CDK5RAP3: variants seen among roughly 807,000 people sequenced by gnomAD.
CDK5RAP3 encodes the protein CDK5 regulatory subunit-associated protein 3.
In CDK5RAP3, 58 loss-of-function variants were observed where a neutral mutation model predicts 73.3. That is an observed-to-expected ratio of 0.79 (90% CI 0.64 to 0.98). The LOEUF is 0.98. Ranked by LOEUF, CDK5RAP3 falls within the 50% of genes least tolerant of loss-of-function variation. The probability of loss-of-function intolerance (pLI) is 0.00; values close to 1 mark genes in which losing one functional copy is unlikely to be tolerated. For synonymous variants in CDK5RAP3, 224 were observed against 247.5 expected, an observed-to-expected ratio of 0.91 and a Z score of 0.89; for missense variants, 525 against 615.8, an observed-to-expected ratio of 0.85 and a Z score of 1.56.
chr17:47,973,591 A>G lies in CDK5RAP3; in HGVS notation c.125A>G (p.Asn42Ser), dbSNP rs1297456296. ...SLVLTIREKI[N>S]AAIQDMPESE... ...GTGCTGACGATCCGCGAGAAGATCAATGCTGCCATCCAGGACATGCCAGAG... is the reference window on the plus strand; with the variant it reads ...GTGCTGACGATCCGCGAGAAGATCAGTGCTGCCATCCAGGACATGCCAGAG... The change falls in exon 3 of 14, where the codon AAT becomes AGT. Residue 42 changes from asparagine (N) to serine (S), a missense_variant. This residue lies in a region of CDK5RAP3 where 409 missense variants were observed against 429.8 expected (regional missense o/e 0.95). Transcript: ENST00000338399. The G allele has an allele frequency of 1.2e-5, 20 of 1,614,074 alleles. No homozygotes were observed. The Middle Eastern group carries it at 4.9e-4, about 40-fold the overall frequency.
intron 12 of CDK5RAP3, 69 bp from the exon 13 acceptor site, chr17:47,981,094 C>A: frequency 4.6e-6 from 7 of 1,517,536 alleles, no homozygotes; most frequent in Non-Finnish European, 6.3e-6. Flanking sequence ...CCTCTCACCT[C>A]CCCAGCAGCT....
intron 1 of CDK5RAP3, 23 bp from the exon 2 acceptor site, chr17:47,971,339 C>T: frequency 6.2e-7 from 1 of 1,607,722 alleles, no homozygotes; most frequent in Non-Finnish European, 8.5e-7. Flanking sequence ...TCACGCCCCC[C>T]TCCTCACCGT....
rs1050376002 is a variant in CDK5RAP3 at position 47,975,263 on chromosome 17, G to A, written c.439G>A (p.Glu147Lys). The A allele has an allele frequency of 1.9e-6, 3 of 1,614,018 alleles. No individual in the cohort carries two copies. The highest frequency in any genetic ancestry group is 2.5e-6 in the Non-Finnish European group (3 of 1,180,022). Reference sequence around the variant, plus strand: ...GCTGCAGCAAGAATACAGCCGCAAGGAGGAGGAGTGCCAGGCAGGGGCTGC... The same window carrying A: ...GCTGCAGCAAGAATACAGCCGCAAGAAGGAGGAGTGCCAGGCAGGGGCTGC... ...QQLQQEYSRK[E>K]EECQAGAAEM... Residue 147 changes from glutamate to lysine, a missense_variant, in exon 6 of 14, where the codon GAG becomes AAG. Glu to Lys is a moderately conservative substitution (Grantham distance 56). Around this residue, in one of 2 missense-constraint regions of CDK5RAP3, gnomAD observed 409 missense variants for 429.8 expected, o/e 0.95. Transcript: ENST00000338399.
upstream of CDK5RAP3, chr17:47,970,535 A>G (rs890002509): frequency 2.9e-5 from 23 of 792,934 alleles, no homozygotes; most frequent in Non-Finnish European, 3.8e-5. Flanking sequence ...TTTAGACTCA[A>G]TGTAGGTGTT....
chr17:47,970,499 A>G, upstream of CDK5RAP3: 2 of 663,188 alleles, frequency 3.0e-6, no homozygotes, highest in Non-Finnish European at 5.3e-6. Flanking sequence ...CTCTTCCCAC[A>G]TCACCCAGCT....
At position 47,974,726 on chromosome 17, in the gene CDK5RAP3, C is replaced by T. The variant is rs186237369; in HGVS notation, c.334+278C>T. 2.1e-3 allele frequency: 2,814 copies of T among 1,329,444 alleles called. 51 individuals carry two copies. The African/African-American group carries it at 0.038, about 18-fold the overall frequency. The allele number at this position is 1,329,444 out of a possible 1,614,324, so 82.4% of individuals were successfully genotyped here. A position where few individuals can be genotyped will look rare whatever the true frequency, so the allele number is the denominator to read the frequency against. On this transcript the variant is annotated intron_variant, in intron 5 of 13. Transcript: ENST00000338399. Reference sequence around the variant, plus strand: ...CCTCCACCACTCACCTCTTGGTTAGCGGGAGTGTGCTGCCCCCACCCCCAC... The same window carrying T: ...CCTCCACCACTCACCTCTTGGTTAGTGGGAGTGTGCTGCCCCCACCCCCAC...
rs1284736179 is a variant in CDK5RAP3 at position 47,979,125 on chromosome 17, C to A, written c.1077+208C>A. 28 of 552,946 alleles carry A rather than the reference C, an allele frequency of 5.1e-5. No individual in the cohort carries two copies. The East Asian group carries it at 8.4e-4, about 17-fold the overall frequency. The allele number at this position is 552,946 out of a possible 1,614,324, so 34.3% of individuals were successfully genotyped here. Reference sequence around the variant, plus strand: ...AGGCACCTGGCACTACCTTAGGCACCAGAACTTGGGTGGTGAATAAGACAG... The same window carrying A: ...AGGCACCTGGCACTACCTTAGGCACAAGAACTTGGGTGGTGAATAAGACAG... On this transcript the variant is annotated intron_variant, in intron 11 of 13. Coordinates refer to ENST00000338399, the MANE Select transcript of CDK5RAP3 (RefSeq NM_176096.3).
rs2036563675 is a variant in CDK5RAP3 at position 47,981,727 on chromosome 17, CCTT to C, written c.*228_*230del. 6.6e-6 allele frequency: 10 copies of C among 1,525,388 alleles called. No homozygotes were observed. The highest frequency in any genetic ancestry group is 1.2e-5 in the South Asian group (1 of 83,184). The allele number at this position is 1,525,388 out of a possible 1,614,324, so 94.5% of individuals were successfully genotyped here. ...CTATCAGGCGAAAACCACAGATTCT[CCTT>C]CTAGTTAGTATAGCGGACTTAATAA... On this transcript the variant is annotated 3_prime_UTR_variant, in exon 14 of 14. Transcript: ENST00000338399.
chr17:47,972,132 C>G (rs2036286009), intron 2 of CDK5RAP3, among the ~76,000 whole-genome samples: 1 of 152,110 alleles, frequency 6.6e-6, no homozygotes, highest in African/African-American at 2.4e-5. Flanking sequence ...CTTCCACCTC[C>G]CCCTTGATTT....
chr17:47,970,940 C>T, upstream of CDK5RAP3: 1 of 1,451,960 alleles, frequency 6.9e-7, no homozygotes, highest in Non-Finnish European at 9.0e-7. Context: ...TTCTCCCGCC[C>T]CTCCCGAGCT....
At position 47,978,946 on chromosome 17, in the gene CDK5RAP3, G is replaced by A. The variant is rs376612518; in HGVS notation, c.1077+29G>A. The A allele has an allele frequency of 5.8e-5, 91 of 1,566,362 alleles. No homozygotes were observed. The African/African-American group carries it at 1.1e-3, about 19-fold the overall frequency. On this transcript the variant is annotated intron_variant, in intron 11 of 13. Transcript: ENST00000338399. ...CTGTCATCTCTGGAAGATGCAGGGG[G>A]GAGGCATGGCACCAGCACAGGTGGC... is the stretch of plus-strand genomic sequence containing the variant.
chr17:47,974,744 AC>A, intron 5 of CDK5RAP3: 1 of 661,882 alleles, frequency 1.5e-6, no homozygotes, highest in Non-Finnish European at 2.2e-6. Flanking sequence ...TGCTGCCCCC[AC>A]CCCCACCCCC....
Position 47,975,782 on chromosome 17 carries a change from GC to G in CDK5RAP3, c.654-84del, listed in dbSNP as rs35780669. On this transcript the variant is annotated intron_variant, in intron 7 of 13. Coordinates refer to ENST00000338399, the MANE Select transcript of CDK5RAP3 (RefSeq NM_176096.3). The stretch of plus-strand genomic sequence containing the variant: ...ACACACCTGAACCTGTGGGGGCCTT[GC>G]CCATTTGACCATGTGGCCCAGGCCA... The G allele has an allele frequency of 4.5e-3, 7,159 of 1,598,106 alleles. 257 individuals are homozygous for G. The African/African-American group carries it at 0.085, about 19-fold the overall frequency.
At chr17:47,971,273 GGGT>G (rs2036255955) in intron 1 of CDK5RAP3, 86 bp from the exon 2 acceptor site, 1 of 1,545,244 alleles carries the variant, frequency 6.5e-7, no homozygotes, top group South Asian at 1.2e-5. Context: ...TGGCCCTGCA[GGGT>G]GGTGGTTGGG....
At chr17:47,974,377 A>G in intron 4 of CDK5RAP3, 23 bp from the exon 5 acceptor site, 18 of 1,606,492 alleles carry the variant, frequency 1.1e-5, no homozygotes, top group Non-Finnish European at 1.4e-5. Context: ...CTGGCTTAAC[A>G]TTGTTTTTCT....
chr17:47,971,404 C>T lies in CDK5RAP3; in HGVS notation c.49C>T (p.Leu17Phe). 6.2e-7 allele frequency: 1 copy of T among 1,606,060 alleles called. No homozygotes were observed. Among genetic ancestry groups the T allele is most frequent in the African/African-American group, 1.3e-5 (1 of 74,892 alleles). The change falls in exon 2 of 14, where the codon CTC (leucine) becomes TTC (phenylalanine). Residue 17 changes from leucine to phenylalanine, a missense_variant. By Grantham distance (22) the Leu-to-Phe change is conservative. Transcript: ENST00000338399. ...CATCGACATCCAGACCAGCAAGCTG[C>T]TCGGTAGGAGGGGGCGCCACCGCGC... ...VPIDIQTSKL[L>F]DWLVDRRHCS...
chr17:47,978,653 C>T (rs890374301), intron 10 of CDK5RAP3, 176 bp from the exon 11 acceptor site: 7 of 587,546 alleles, frequency 1.2e-5, no homozygotes, highest in East Asian at 2.8e-5. Context: ...GAAAGTGGTA[C>T]CTGATTAGAG....
chr17:47,973,557 C>CA lies in CDK5RAP3; in HGVS notation c.92dup (p.Ser32GlufsTer74), dbSNP rs1273248138. 4.3e-6 allele frequency: 7 copies of CA among 1,614,164 alleles called. No homozygotes were observed. The highest frequency in any genetic ancestry group is 5.9e-6 in the Non-Finnish European group (7 of 1,180,026). On this transcript the variant is annotated frameshift_variant, in exon 3 of 14. Transcript: ENST00000338399. LOFTEE classifies it high-confidence loss of function. Reference sequence around the variant, plus strand: ...CAGAAGGCACTGCAGCCTGAAATGGCAGAGTCTGGTGCTGACGATCCGCGA... The same window carrying CA: ...CAGAAGGCACTGCAGCCTGAAATGGCAAGAGTCTGGTGCTGACGATCCGCGA...
intron 4 of CDK5RAP3, 62 bp from the exon 5 acceptor site, chr17:47,974,338 G>T: frequency 7.3e-7 from 1 of 1,375,694 alleles, no homozygotes; most frequent in South Asian, 1.2e-5. Context: ...TTTAGGGATT[G>T]AGCTGGGATG....
Sources: gnomAD v4.1 joint callset for allele counts (sites outside exome capture counted in the v4.1 genomes callset) on GRCh38, gnomAD v4.1.1 for gene constraint, gnomAD v4.1.1 regional missense constraint, MANE v1.5 for transcripts, NCBI Gene and HGNC (gene_info 2026-07-23, HGNC 2026-07-21) for gene names.